The following ERBB4 variants were observed in gnomAD, a reference collection of about 807,000 sequenced individuals.
The protein encoded by ERBB4 is erb-b2 receptor tyrosine kinase 4.
In ERBB4, 42 loss-of-function variants were observed where a neutral mutation model predicts 158.0. The observed-to-expected ratio is 0.27, with a 90% confidence interval of 0.21 to 0.34. The LOEUF (loss-of-function observed/expected upper bound fraction) is 0.34. Among genes scored for constraint, ERBB4 ranks in the 10% least tolerant of loss-of-function variants. The pLI, the probability that ERBB4 is intolerant of heterozygous loss-of-function variation, is 1.00. For synonymous variants in ERBB4, 583 were observed against 558.7 expected, an observed-to-expected ratio of 1.04 and a Z score of -0.61; for missense variants, 1,333 against 1,624.1, an observed-to-expected ratio of 0.82 and a Z score of 3.08.
intron 3 of ERBB4, among the ~76,000 whole-genome samples, chr2:211,840,528 T>C (rs1307674726): frequency 6.6e-6 from 1 of 152,092 alleles, no homozygotes; most frequent in Non-Finnish European, 1.5e-5. Context: ...GATCCAGTTT[T>C]AATTAAACTT....
intron 16 of ERBB4, among the ~76,000 whole-genome samples, chr2:211,645,272 G>C (rs2070745041): frequency 1.3e-5 from 2 of 151,580 alleles, no homozygotes; most frequent in African/African-American, 4.9e-5. Flanking sequence ...GACAGAGACA[G>C]AGAGAGAGAA....
intron 9 of ERBB4, among the ~76,000 whole-genome samples, chr2:211,708,264 A>G (rs970478328): frequency 2.0e-5 from 3 of 152,180 alleles, no homozygotes; most frequent in African/African-American, 7.2e-5. Context: ...AGTGAGAATA[A>G]AGAATACATC....
intron 1 of ERBB4, among the ~76,000 whole-genome samples, chr2:212,249,732 T>A (rs1270997210): frequency 6.6e-6 from 1 of 152,062 alleles, no homozygotes; most frequent in Admixed American, 6.6e-5. Context: ...ATTTCTCATT[T>A]ATGGGTTAAG....
chr2:212,065,029 T>G (rs868537742), intron 2 of ERBB4, among the ~76,000 whole-genome samples: 8 of 131,040 alleles, frequency 6.1e-5, no homozygotes, highest in African/African-American at 2.5e-4. Flanking sequence ...GTGTGTGTGT[T>G]GTGTGTGTGT....
intron 1 of ERBB4, among the ~76,000 whole-genome samples, chr2:212,388,493 C>T (rs966816012): frequency 6.6e-6 from 1 of 151,992 alleles, no homozygotes; most frequent in African/African-American, 2.4e-5. Context: ...GCTGTTATAC[C>T]TGGAACTGGG....
intron 2 of ERBB4, among the ~76,000 whole-genome samples, chr2:211,998,301 TTCTAG>T (rs1163759021): frequency 1.3e-5 from 2 of 151,806 alleles, no homozygotes; most frequent in Admixed American, 6.6e-5. Context: ...AGTGAAATGG[TTCTAG>T]TCTTTAATCA....
chr2:212,139,836 T>TA (rs2080391224), intron 1 of ERBB4, among the ~76,000 whole-genome samples: 1 of 151,966 alleles, frequency 6.6e-6, no homozygotes, highest in Non-Finnish European at 1.5e-5. Context: ...GATCAATTTT[T>TA]AAAATTTGAA....
intron 2 of ERBB4, among the ~76,000 whole-genome samples, chr2:212,089,729 T>C (rs1038305513): frequency 3.3e-5 from 5 of 152,186 alleles, no homozygotes; most frequent in South Asian, 4.1e-4. Flanking sequence ...TGTGGAACCA[T>C]GAGCCAATTA....
chr2:211,696,949 C>T (rs548832022), intron 12 of ERBB4, among the ~76,000 whole-genome samples: 7 of 152,242 alleles, frequency 4.6e-5, no homozygotes, highest in East Asian at 3.9e-4. Context: ...GGATTACAGG[C>T]GTGAGCCACC....
At chr2:211,652,165 G>A (rs1377677252) in intron 16 of ERBB4, among the ~76,000 whole-genome samples, 1 of 152,140 alleles carries the variant, frequency 6.6e-6, no homozygotes, top group African/African-American at 2.4e-5. Context: ...ATTAACAACT[G>A]AGCTGAGACG....
chr2:211,962,546 G>A (rs1173359772), intron 2 of ERBB4, among the ~76,000 whole-genome samples: 2 of 152,106 alleles, frequency 1.3e-5, no homozygotes, highest in Non-Finnish European at 2.9e-5. Context: ...GGAATTAGTG[G>A]CACTGTATAC....
intron 2 of ERBB4, among the ~76,000 whole-genome samples, chr2:212,045,408 A>G (rs1251257809): frequency 1.3e-5 from 2 of 152,238 alleles, no homozygotes; most frequent in Non-Finnish European, 2.9e-5. Flanking sequence ...CAGTGAGCCA[A>G]GATTGTGCCA....
chr2:212,162,477 A>G (rs908761390), intron 1 of ERBB4, among the ~76,000 whole-genome samples: 4 of 151,898 alleles, frequency 2.6e-5, no homozygotes, highest in African/African-American at 7.2e-5. Flanking sequence ...CTATATCTTG[A>G]TAAGTATTTG....
chr2:212,075,702 CCT>C (rs999697372), intron 2 of ERBB4, among the ~76,000 whole-genome samples: 1 of 151,740 alleles, frequency 6.6e-6, no homozygotes, highest in African/African-American at 2.4e-5. Flanking sequence ...AATATTCATA[CCT>C]GTTAGCTGAA....
chr2:211,406,380 A>T (rs983928717), intron 25 of ERBB4, among the ~76,000 whole-genome samples: 1 of 152,198 alleles, frequency 6.6e-6, no homozygotes, highest in Non-Finnish European at 1.5e-5. Flanking sequence ...ATTAATCATT[A>T]TTCAATATAG....
intron 19 of ERBB4, among the ~76,000 whole-genome samples, chr2:211,582,232 G>A (rs1485648281): frequency 6.6e-6 from 1 of 152,164 alleles, no homozygotes; most frequent in East Asian, 1.9e-4. Context: ...AAGGGTAGGC[G>A]TGCCGGCTTT....
intron 19 of ERBB4, among the ~76,000 whole-genome samples, chr2:211,585,238 G>C (rs956657336): frequency 6.6e-6 from 1 of 151,638 alleles, no homozygotes; most frequent in African/African-American, 2.4e-5. Context: ...TGTAGTCCCA[G>C]CTACTCGGGA....
At chr2:211,669,349 AC>A (rs1451833136) in intron 14 of ERBB4, among the ~76,000 whole-genome samples, 2 of 152,024 alleles carry the variant, frequency 1.3e-5, no homozygotes, top group Non-Finnish European at 2.9e-5. Flanking sequence ...CAGCAGCACA[AC>A]CTTTATTAAC....
At chr2:212,301,803 G>A (rs1361231833) in intron 1 of ERBB4, among the ~76,000 whole-genome samples, 1 of 151,190 alleles carries the variant, frequency 6.6e-6, no homozygotes, top group African/African-American at 2.4e-5. Context: ...TGTGGCCCAG[G>A]AGGCATGTAA....
Sources: allele counts gnomAD v4.1 joint callset (sites outside exome capture counted in the v4.1 genomes callset), GRCh38; gene constraint gnomAD v4.1.1; transcripts MANE v1.5; gene names NCBI Gene and HGNC (gene_info 2026-07-23, HGNC 2026-07-21).